The following SLC1A6 variants were observed in gnomAD, a reference collection of about 807,000 sequenced individuals.
The protein encoded by SLC1A6 is excitatory amino acid transporter 4.
In SLC1A6, 15 loss-of-function variants were observed where a neutral mutation model predicts 42.1. The ratio of observed to expected loss-of-function variants is 0.36; its 90% CI spans 0.24 to 0.55. The LOEUF is 0.55. SLC1A6 is among the 20% of genes least tolerant of loss of function. The pLI is 0.88. For missense variants in SLC1A6, 542 were observed against 772.5 expected, an observed-to-expected ratio of 0.70 and a Z score of 3.54; for synonymous variants, 317 against 319.7, an observed-to-expected ratio of 0.99 and a Z score of 0.09.
chr19:14,984,533 A>ACC (rs2045783829), upstream of SLC1A6, among the ~76,000 whole-genome samples: 2 of 152,202 alleles, frequency 1.3e-5, no homozygotes, highest in Non-Finnish European at 2.9e-5. Context: ...AACTGTGTCT[A>ACC]TTCTTTGAGA....
intron 1 of SLC1A6, among the ~76,000 whole-genome samples, chr19:14,992,262 A>T (rs910533220): frequency 6.6e-6 from 1 of 152,178 alleles, no homozygotes; most frequent in Non-Finnish European, 1.5e-5. Context: ...ACATTGGAGT[A>T]TTATTTAGCT....
At chr19:15,010,216 AGAGAGAGAG>A (rs150032779) in intron 1 of SLC1A6, among the ~76,000 whole-genome samples, 35,118 of 142,198 alleles carry the variant, frequency 0.25, 4,478 homozygotes, top group East Asian at 0.5. Context: ...GAAAAAAGAA[AGAGAGAGAG>A]AGAAAAGAAA....
At position 14,979,572 on chromosome 19, in the gene SLC1A6, T is replaced by C. The variant is rs1031870684; in HGVS notation, c.-271A>G. ...CCTCGGCCTGCGCGCTGCGCCCGGA[T>C]GCAGGAGCCGGAGCCCGGCGAAGCG... On this transcript the variant is annotated 5_prime_UTR_variant, in exon 1 of 10. Coordinates refer to ENST00000594383, the MANE Select transcript of SLC1A6 (RefSeq NM_005071.3). The surrounding 1 kb of genome is among the most constrained non-coding windows in gnomAD (Gnocchi z 4.2). The C allele has an allele frequency of 6.6e-6, 1 of 150,454 alleles. No homozygotes were observed. Among genetic ancestry groups the C allele is most frequent in the Non-Finnish European group, 1.5e-5 (1 of 67,532 alleles). The allele number at this position is 150,454 out of a possible 1,614,324, so 9.3% of individuals were successfully genotyped here. A position where few individuals can be genotyped will look rare whatever the true frequency, so the allele number is the denominator to read the frequency against.
chr19:14,969,847 G>A (rs1600005836), intron 3 of SLC1A6, among the ~76,000 whole-genome samples: 1 of 152,158 alleles, frequency 6.6e-6, no homozygotes, highest in African/African-American at 2.4e-5. Flanking sequence ...GTCTATGGCT[G>A]CTTCTGTGCT....
chr19:14,963,567 A>C (rs1201226494), intron 5 of SLC1A6, among the ~76,000 whole-genome samples: 1 of 152,378 alleles, frequency 6.6e-6, no homozygotes, highest in South Asian at 2.1e-4. Context: ...TCATAAATAC[A>C]TATAATCTTT....
intron 1 of SLC1A6, among the ~76,000 whole-genome samples, chr19:15,002,863 G>A (rs7247974): frequency 0.85 from 129,277 of 152,018 alleles, 55,018 homozygotes; most frequent in East Asian, 0.92. Context: ...GCAGGAAGAC[G>A]TTGATGATGG....
chr19:14,971,976 G>T (rs78426630), intron 2 of SLC1A6, 102 bp from the exon 3 acceptor site: 4 of 1,110,008 alleles, frequency 3.6e-6, no homozygotes, highest in African/African-American at 3.1e-5. Context: ...GGGAGTGAGG[G>T]AGAGAAATAT....
In SLC1A6 at chr19:14,956,641, A is replaced by G; in HGVS notation, c.1004T>C (p.Leu335Pro). Reference protein sequence around the residue: ...KILEMEDMAVLGGQLGMYTLT... With the variant: ...KILEMEDMAVPGGQLGMYTLT... ...GGTGTACATGCCCAGCTGACCCCCC[A>G]GGACGGCCATGTCTTCCATCTCCAG... The change falls in exon 7 of 10, where the codon CTG becomes CCG. Residue 335 changes from leucine (L) to proline (P), a missense_variant. By Grantham distance (98) the Leu-to-Pro change is moderately conservative. Transcript: ENST00000594383. 6.2e-7 allele frequency: 1 copy of G among 1,613,988 alleles called. No individual in the cohort carries two copies. The highest frequency in any genetic ancestry group is 8.5e-7 in the Non-Finnish European group (1 of 1,179,942).
chr19:14,992,057 C>G (rs968259736), intron 1 of SLC1A6, among the ~76,000 whole-genome samples: 3 of 152,074 alleles, frequency 2.0e-5, no homozygotes, highest in Non-Finnish European at 4.4e-5. Flanking sequence ...AACTCCTGAC[C>G]TTAGGTGATC....
At position 14,995,810 on chromosome 19, in the gene SLC1A6, G is replaced by A. The variant is rs138214211; in HGVS notation, c.6+14675C>T. ...ATTAAAAAAGTAAAGTATAGTAGTA[G>A]AAGTGTCCTCAGTTGACCTCATAGA... On this transcript the variant is annotated intron_variant, in intron 1 of 8. Transcript: ENST00000430939. Among the ~76,000 whole-genome samples the A allele has an allele frequency of 5.4e-3, 818 of 152,240 alleles. 7 individuals carry two copies. The highest frequency in any genetic ancestry group is 0.019 in the African/African-American group (779 of 41,540).
chr19:15,003,342 T>G (rs550532125), intron 1 of SLC1A6, among the ~76,000 whole-genome samples: 85 of 152,340 alleles, frequency 5.6e-4, no homozygotes, highest in African/African-American at 1.9e-3. Context: ...TGTCACTCAC[T>G]GACCAGCAAG....
chr19:14,968,528 C>A, intron 3 of SLC1A6, 21 bp from the exon 4 acceptor site: 1 of 1,586,706 alleles, frequency 6.3e-7, no homozygotes, highest in Admixed American at 1.7e-5. Context: ...GATGATGTGG[C>A]CCCCGCAGCT....
chr19:15,001,185 GTT>G (rs57606983), intron 1 of SLC1A6, among the ~76,000 whole-genome samples: 128,967 of 151,770 alleles, frequency 0.85, 54,842 homozygotes, highest in East Asian at 0.92. Flanking sequence ...TGGGAACTTA[GTT>G]ATTCAGTAAT....
chr19:15,002,500 G>A (rs1455998565), intron 1 of SLC1A6, among the ~76,000 whole-genome samples: 3 of 152,124 alleles, frequency 2.0e-5, no homozygotes, highest in African/African-American at 4.8e-5. Flanking sequence ...AGCCATGATC[G>A]CTTTGTAACC....
intron 7 of SLC1A6, among the ~76,000 whole-genome samples, chr19:14,955,138 G>T (rs2045450094): frequency 6.6e-6 from 1 of 152,134 alleles, no homozygotes; most frequent in African/African-American, 2.4e-5. Context: ...ACATCATACG[G>T]TTGGAATCCT....
intron 6 of SLC1A6, among the ~76,000 whole-genome samples, chr19:14,959,966 T>C (rs1310130108): frequency 6.6e-6 from 1 of 152,240 alleles, no homozygotes; most frequent in Non-Finnish European, 1.5e-5. Flanking sequence ...ACAATGTGTC[T>C]GTCTCCCCTA....
At chr19:14,961,818 G>C in intron 6 of SLC1A6, 184 bp downstream of exon 6, 1 of 787,834 alleles carries the variant, frequency 1.3e-6, no homozygotes, top group Non-Finnish European at 1.9e-6. Flanking sequence ...GATGAACAAG[G>C]AAGTCAACTA....
chr19:14,975,714 C>T (rs2045697022), intron 1 of SLC1A6, among the ~76,000 whole-genome samples: 2 of 142,998 alleles, frequency 1.4e-5, no homozygotes, highest in African/African-American at 2.6e-5. Flanking sequence ...GATTGCACCA[C>T]TGTACTCCAG....
In SLC1A6 at chr19:15,000,267, A is replaced by G. The variant is rs146627968; in HGVS notation, c.6+10218T>C. Reference sequence around the variant, plus strand: ...CATAAGTTGAGGAAAATCTCTATGCAATATACTGTTATTAACTATAGTTGC... The same window carrying G: ...CATAAGTTGAGGAAAATCTCTATGCGATATACTGTTATTAACTATAGTTGC... On this transcript the variant is annotated intron_variant, in intron 1 of 8. Transcript: ENST00000430939. 1.1e-4 allele frequency among the ~76,000 whole-genome samples: 16 copies of G among 152,308 alleles called. No homozygotes were observed. The East Asian group carries it at 3.1e-3, about 29-fold the overall frequency.
Sources: allele counts gnomAD v4.1 joint callset (sites outside exome capture counted in the v4.1 genomes callset), GRCh38; gene constraint gnomAD v4.1.1; non-coding constraint Gnocchi (gnomAD v3.1); transcripts MANE v1.5; gene names NCBI Gene and HGNC (gene_info 2026-07-23, HGNC 2026-07-21).